The following PTPN4 variants were observed in gnomAD, a reference collection of about 807,000 sequenced individuals.
PTPN4 encodes protein tyrosine phosphatase non-receptor type 4.
In PTPN4, 49 loss-of-function variants were observed where a neutral mutation model predicts 135.5. The observed-to-expected ratio is 0.36, with a 90% CI of 0.29 to 0.46. The LOEUF is 0.46. Ranked by LOEUF, PTPN4 falls within the 20% of genes least tolerant of loss-of-function variation. PTPN4 has a pLI of 1.00. For synonymous variants in PTPN4, 333 were observed against 369.9 expected (o/e 0.90, Z 1.14); for missense variants, 860 against 1,101.0 (o/e 0.78, Z 3.10).
At position 119,945,203 on chromosome 2, in the gene PTPN4, A is replaced by G. The variant is rs753457428; in HGVS notation, c.1478A>G (p.Glu493Gly). ...CAAGATCTAGAAAGTCATATTAATGAAACATTTGATATTCCATCTTCTCCT... is the reference window on the plus strand; with the variant it reads ...CAAGATCTAGAAAGTCATATTAATGGAACATTTGATATTCCATCTTCTCCT... ...SQQDLESHIN[E>G]TFDIPSSPEK... is the part of the protein sequence containing the mutation. The change falls in exon 16 of 27, where the codon GAA becomes GGA. Residue 493 changes from glutamate (E) to glycine (G), a missense_variant. Transcript: ENST00000263708. 3.5e-5 allele frequency: 56 copies of G among 1,593,282 alleles called. No individual in the cohort carries two copies. The highest frequency in any genetic ancestry group is 4.7e-5 in the Non-Finnish European group (55 of 1,171,488).
chr2:119,914,339 A>C (rs1000036303), intron 10 of PTPN4, among the ~76,000 whole-genome samples: 4 of 145,846 alleles, frequency 2.7e-5, no homozygotes, highest in African/African-American at 1.0e-4. Flanking sequence ...GTGAAAGCTC[A>C]GTATCCAAAA....
chr2:119,977,211 G>A lies in PTPN4; in HGVS notation c.*141G>A. 7.8e-7 allele frequency: 1 copy of A among 1,284,962 alleles called. No homozygotes were observed. The highest frequency in any genetic ancestry group is 1.0e-6 in the Non-Finnish European group (1 of 997,462). 79.6% of individuals were successfully genotyped at this position (1,284,962 alleles called of 1,614,324 possible). A position where few individuals can be genotyped will look rare whatever the true frequency, so the allele number is the denominator to read the frequency against. ...AAACTTTGAAAACTTCAGCACTGTT[G>A]CACTTTATGTTTTAAAAAATGTCAC... On this transcript the variant is annotated 3_prime_UTR_variant, in exon 27 of 27. Transcript: ENST00000263708.
intron 1 of PTPN4, among the ~76,000 whole-genome samples, chr2:119,783,214 A>G (rs781716279): frequency 6.6e-6 from 1 of 152,198 alleles, no homozygotes; most frequent in Non-Finnish European, 1.5e-5. Flanking sequence ...TTAGGAACAT[A>G]GGAAGCTATC....
At chr2:119,795,600 A>G (rs774098106) in intron 1 of PTPN4, among the ~76,000 whole-genome samples, 6 of 152,334 alleles carry the variant, frequency 3.9e-5, no homozygotes, top group Non-Finnish European at 8.8e-5. Flanking sequence ...GACAACAGGG[A>G]GAGGCCAGGC....
At chr2:119,867,055 C>A (rs1351769002) in intron 3 of PTPN4, among the ~76,000 whole-genome samples, 1 of 152,006 alleles carries the variant, frequency 6.6e-6, no homozygotes, top group Non-Finnish European at 1.5e-5. Flanking sequence ...AGTGAAGAAA[C>A]AGGAATGCTG....
chr2:119,913,387 T>A (rs1425202993), intron 10 of PTPN4, among the ~76,000 whole-genome samples: 2 of 152,206 alleles, frequency 1.3e-5, no homozygotes, highest in Non-Finnish European at 2.9e-5. Flanking sequence ...TAAAGTAGTA[T>A]CTCATTGTAG....
chr2:119,858,869 C>T lies in PTPN4; in HGVS notation c.139-3667C>T, dbSNP rs1409889875. 3.9e-5 allele frequency among the ~76,000 whole-genome samples: 6 copies of T among 151,986 alleles called. No individual in the cohort carries two copies. In the East Asian group the frequency reaches 5.8e-4, roughly 15 times the overall value. ...CAGGATGATCTTGATCTCCTGACCT[C>T]GTAATCTGCCCACCTCAGCCTCCCA... On this transcript the variant is annotated intron_variant, in intron 2 of 26. Coordinates refer to ENST00000263708, the MANE Select transcript of PTPN4 (RefSeq NM_002830.4).
At chr2:119,809,749 T>G (rs1219421882) in intron 1 of PTPN4, 88 bp from the exon 2 acceptor site, 1 of 1,166,342 alleles carries the variant, frequency 8.6e-7, no homozygotes, top group African/African-American at 1.6e-5. Flanking sequence ...AAGTTTTAAT[T>G]GAGAAATATA....
intron 14 of PTPN4, among the ~76,000 whole-genome samples, chr2:119,934,220 TA>T (rs1678949130): frequency 6.6e-6 from 1 of 152,202 alleles, no homozygotes; most frequent in Non-Finnish European, 1.5e-5. Context: ...TTTTCTCATC[TA>T]CAAAATTATA....
chr2:119,796,472 TG>T (rs1426628046), intron 1 of PTPN4, among the ~76,000 whole-genome samples: 2 of 152,232 alleles, frequency 1.3e-5, no homozygotes, highest in Non-Finnish European at 2.9e-5. Flanking sequence ...ACTCTTTTTT[TG>T]GTCTAATTTG....
intron 15 of PTPN4, among the ~76,000 whole-genome samples, chr2:119,937,433 A>G (rs1678998981): frequency 6.6e-6 from 1 of 152,232 alleles, no homozygotes; most frequent in Non-Finnish European, 1.5e-5. Flanking sequence ...TTTAGAATAA[A>G]GTTACCATTT....
In PTPN4 at chr2:119,768,545, A is replaced by G. The variant is rs547687079; in HGVS notation, c.-18+8161A>G. Among the ~76,000 whole-genome samples the G allele has an allele frequency of 4.6e-5, 7 of 152,280 alleles. No homozygotes were observed. In the East Asian group the frequency reaches 1.4e-3, roughly 29 times the overall value. On this transcript the variant is annotated intron_variant, in intron 1 of 26. Coordinates refer to ENST00000263708, the MANE Select transcript of PTPN4 (RefSeq NM_002830.4). ...GTTCACACTGATACAACCAATTCCA[A>G]TCTAACATCTCAGGATTCGTCTAGC...
chr2:119,860,799 G>C (rs1476500091), intron 2 of PTPN4, among the ~76,000 whole-genome samples: 1 of 152,134 alleles, frequency 6.6e-6, no homozygotes, highest in Non-Finnish European at 1.5e-5. Context: ...CCAGCACTTT[G>C]GGAGGCTGAG....
At chr2:119,826,141 A>G (rs1677143155) in intron 2 of PTPN4, among the ~76,000 whole-genome samples, 1 of 152,190 alleles carries the variant, frequency 6.6e-6, no homozygotes, top group Non-Finnish European at 1.5e-5. Context: ...CTTACAGAGA[A>G]ACACAGTTGG....
intron 5 of PTPN4, among the ~76,000 whole-genome samples, chr2:119,878,677 G>A (rs1182550222): frequency 6.8e-6 from 1 of 148,062 alleles, no homozygotes; most frequent in Non-Finnish European, 1.5e-5. Flanking sequence ...TGGGGTGGGT[G>A]CGCAGGTGTT....
intron 1 of PTPN4, among the ~76,000 whole-genome samples, chr2:119,784,662 C>T (rs1382526286): frequency 6.6e-6 from 1 of 150,522 alleles, no homozygotes; most frequent in Non-Finnish European, 1.5e-5. Flanking sequence ...GCTGGGATTA[C>T]AGGCATGAGC....
intron 2 of PTPN4, among the ~76,000 whole-genome samples, chr2:119,835,605 A>G (rs1161323824): frequency 2.6e-5 from 4 of 152,226 alleles, no homozygotes; most frequent in Non-Finnish European, 5.9e-5. Flanking sequence ...AAGGATCTGA[A>G]GGATTTCAGT....
Position 119,977,181 on chromosome 2 carries a change from CA to C in PTPN4, c.*118del, listed in dbSNP as rs1008586474. 9 of 1,384,326 alleles carry C rather than the reference CA, an allele frequency of 6.5e-6. No homozygotes were observed. The African/African-American group carries it at 1.2e-4, about 18-fold the overall frequency. 85.8% of individuals were successfully genotyped at this position (1,384,326 alleles called of 1,614,324 possible). On this transcript the variant is annotated 3_prime_UTR_variant, in exon 27 of 27. Coordinates refer to ENST00000263708, the MANE Select transcript of PTPN4 (RefSeq NM_002830.4). ...TTTTACAAAAAAAAAATGAAGAACT[CA>C]AAAAAACTTTGAAAACTTCAGCACT...
At chr2:119,825,862 G>T (rs1677139290) in intron 2 of PTPN4, among the ~76,000 whole-genome samples, 1 of 152,042 alleles carries the variant, frequency 6.6e-6, no homozygotes, top group Non-Finnish European at 1.5e-5. Flanking sequence ...TCAATTGGAT[G>T]GTCTTCTGTT....
Sources: allele counts gnomAD v4.1 joint callset (sites outside exome capture counted in the v4.1 genomes callset), GRCh38; gene constraint gnomAD v4.1.1; transcripts MANE v1.5; gene names NCBI Gene and HGNC (gene_info 2026-07-23, HGNC 2026-07-21).